SIPA1L2: variants seen among roughly 807,000 people sequenced by gnomAD.
The protein encoded by SIPA1L2 is signal-induced proliferation-associated 1-like protein 2.
Under a neutral mutation model 163.9 loss-of-function variants are expected in SIPA1L2, and 56 were observed. The ratio of observed to expected loss-of-function variants is 0.34; its 90% CI spans 0.28 to 0.43. The LOEUF (loss-of-function observed/expected upper bound fraction) is 0.43. Among genes scored for constraint, SIPA1L2 ranks in the 20% least tolerant of loss-of-function variants. SIPA1L2 has a pLI of 1.00. For missense variants in SIPA1L2, 1,974 were observed against 2,193.5 expected (o/e 0.90, Z 2.00); for synonymous variants, 877 against 865.7 (o/e 1.01, Z -0.23).
At chr1:232,484,335 A>C (rs1342963159) in intron 5 of SIPA1L2, among the ~76,000 whole-genome samples, 1 of 152,192 alleles carries the variant, frequency 6.6e-6, no homozygotes, top group Non-Finnish European at 1.5e-5. Flanking sequence ...TAATCTTCTA[A>C]GTCGGAAAGA....
chr1:232,476,072 C>T (rs985995361), intron 7 of SIPA1L2, among the ~76,000 whole-genome samples: 1 of 152,134 alleles, frequency 6.6e-6, no homozygotes, highest in African/African-American at 2.4e-5. Context: ...CAAGGCTCAT[C>T]GCACTTAGTG....
At chr1:232,616,191 A>G (rs1662490261) in intron 1 of SIPA1L2, among the ~76,000 whole-genome samples, 1 of 152,214 alleles carries the variant, frequency 6.6e-6, no homozygotes, top group Non-Finnish European at 1.5e-5. Context: ...CAAGATCACA[A>G]GGACTTTTAT....
intron 18 of SIPA1L2, among the ~76,000 whole-genome samples, chr1:232,421,594 T>C (rs1661578487): frequency 6.6e-6 from 1 of 152,192 alleles, no homozygotes; most frequent in Non-Finnish European, 1.5e-5. Context: ...GTCAAAACCC[T>C]GTTTGCAGAT....
chr1:232,428,352 T>C (rs947297952), intron 17 of SIPA1L2, 59 bp downstream of exon 17: 1 of 334,960 alleles, frequency 3.0e-6, no homozygotes, highest in African/African-American at 4.7e-5. Context: ...TCTTTAGACT[T>C]TTTTTTTTTT....
intron 19 of SIPA1L2, 103 bp from the exon 20 acceptor site, chr1:232,404,281 T>C: frequency 1.1e-6 from 1 of 945,016 alleles, no homozygotes; most frequent in East Asian, 2.5e-5. Flanking sequence ...TGTGTGTGTG[T>C]GATGGACCAG....
intron 2 of SIPA1L2, among the ~76,000 whole-genome samples, chr1:232,564,968 A>G (rs1659316838): frequency 1.3e-5 from 2 of 152,156 alleles, no homozygotes; most frequent in South Asian, 4.1e-4. Context: ...TAAAACCTAG[A>G]TGACGGGTTG....
intron 19 of SIPA1L2, among the ~76,000 whole-genome samples, chr1:232,406,503 C>G (rs1660641224): frequency 1.3e-5 from 2 of 152,224 alleles, no homozygotes; most frequent in Non-Finnish European, 2.9e-5. Context: ...TATTCCATAT[C>G]CTAGAGCCAA....
chr1:232,468,996 G>A (rs565287569), intron 8 of SIPA1L2, among the ~76,000 whole-genome samples: 2 of 152,154 alleles, frequency 1.3e-5, no homozygotes, highest in Admixed American at 6.5e-5. Context: ...ATAACTGCTC[G>A]AGCATTCTGC....
intron 1 of SIPA1L2, among the ~76,000 whole-genome samples, chr1:232,613,905 T>G (rs144216535): frequency 1.3e-5 from 2 of 152,020 alleles, no homozygotes; most frequent in African/African-American, 4.8e-5. Flanking sequence ...TGAAGCAGAG[T>G]CCAGCAAGTC....
At chr1:232,471,578 AATAT>A in intron 7 of SIPA1L2, 50 bp from the exon 8 acceptor site, 1 of 1,460,304 alleles carries the variant, frequency 6.8e-7, no homozygotes, top group East Asian at 2.4e-5. Context: ...TTTAAAACAA[AATAT>A]ATATATAATT....
chr1:232,628,043 T>G (rs542593103), intron 1 of SIPA1L2, among the ~76,000 whole-genome samples: 4 of 152,206 alleles, frequency 2.6e-5, no homozygotes, highest in African/African-American at 9.6e-5. Context: ...TTTCAAGATA[T>G]TTACTCAGCG....
intron 2 of SIPA1L2, among the ~76,000 whole-genome samples, chr1:232,554,439 C>T (rs565452706): frequency 6.6e-6 from 1 of 152,230 alleles, no homozygotes; most frequent in Non-Finnish European, 1.5e-5. Flanking sequence ...TTTTAACAAA[C>T]TTACTTTATC....
chr1:232,581,086 G>C (rs1345354966), intron 1 of SIPA1L2, among the ~76,000 whole-genome samples: 2 of 152,082 alleles, frequency 1.3e-5, no homozygotes, highest in African/African-American at 4.8e-5. Flanking sequence ...AACAGCTCCA[G>C]TCTTCTCTTA....
At chr1:232,556,394 ACTT>A (rs140408824) in intron 2 of SIPA1L2, among the ~76,000 whole-genome samples, 4,556 of 152,228 alleles carry the variant, frequency 0.03, 101 homozygotes, top group African/African-American at 0.063. Flanking sequence ...TGAACCCAAA[ACTT>A]CTTCTCTCCC....
chr1:232,587,967 T>C (rs1467889759), intron 1 of SIPA1L2, among the ~76,000 whole-genome samples: 1 of 152,186 alleles, frequency 6.6e-6, no homozygotes, highest in Non-Finnish European at 1.5e-5. Flanking sequence ...TCCCCAGCCA[T>C]GTGGTACTGT....
intron 1 of SIPA1L2, among the ~76,000 whole-genome samples, chr1:232,616,744 T>G (rs1364192471): frequency 2.0e-5 from 3 of 152,230 alleles, no homozygotes; most frequent in African/African-American, 7.2e-5. Flanking sequence ...TCTTCCCACC[T>G]TGATGGCACA....
chr1:232,489,918 T>C (rs1037731061), intron 5 of SIPA1L2, among the ~76,000 whole-genome samples: 6 of 152,186 alleles, frequency 3.9e-5, no homozygotes, highest in South Asian at 2.1e-4. Flanking sequence ...ACCATCTCAA[T>C]CCTGTTCATC....
Position 232,502,558 on chromosome 1 carries a change from GCAGGTGAATTAA to G in SIPA1L2, c.1484-8910_1484-8899del, listed in dbSNP as rs1666534317. Among the ~76,000 whole-genome samples the G allele has an allele frequency of 2.7e-5, 4 of 150,894 alleles. No individual in the cohort carries two copies. In the South Asian group the frequency reaches 8.6e-4, roughly 32 times the overall value. Reference sequence around the variant, plus strand: ...TATATTCCCCTTTTTATCAAAGATGGCAGGTGAATTAAAAAAAAAATTCCCTTCATGCCTACC... The same window carrying G: ...TATATTCCCCTTTTTATCAAAGATGGAAAAAAAATTCCCTTCATGCCTACC... On this transcript the variant is annotated intron_variant, in intron 3 of 22. Transcript: ENST00000674635.
chr1:232,403,062 G>A (rs1041937367), intron 21 of SIPA1L2, among the ~76,000 whole-genome samples: 14 of 152,358 alleles, frequency 9.2e-5, no homozygotes, highest in Middle Eastern at 6.8e-3. Context: ...CTGGGCTGGT[G>A]AGCATGTGCA....
Sources: allele counts gnomAD v4.1 joint callset (sites outside exome capture counted in the v4.1 genomes callset), GRCh38; gene constraint gnomAD v4.1.1; transcripts MANE v1.5; gene names NCBI Gene and HGNC (gene_info 2026-07-23, HGNC 2026-07-21).